The following MRC1 variants were observed in gnomAD, a reference collection of about 807,000 sequenced individuals.
MRC1 encodes macrophage mannose receptor 1.
Under a neutral mutation model 102.9 loss-of-function variants are expected in MRC1, and 62 were observed. That is an observed-to-expected ratio of 0.60 (90% CI 0.49 to 0.74). The LOEUF (loss-of-function observed/expected upper bound fraction) is 0.74, where lower values mean the gene tolerates loss of function less well. Among genes scored for constraint, MRC1 ranks in the 30% least tolerant of loss-of-function variants. MRC1 has a pLI of 0.00. For missense variants in MRC1, 1,237 were observed against 862.8 expected (o/e 1.43, Z -5.43); for synonymous variants, 457 against 298.4 (o/e 1.53, Z -5.48).
intron 8 of MRC1, among the ~76,000 whole-genome samples, chr10:17,855,352 AT>A (rs1833071068): frequency 6.6e-6 from 1 of 151,690 alleles, no homozygotes; most frequent in Non-Finnish European, 1.5e-5. Flanking sequence ...CAGGCGGATC[AT>A]GAGGTCGGGA....
intron 1 of MRC1, among the ~76,000 whole-genome samples, chr10:17,814,004 T>C (rs1838268104): frequency 6.6e-6 from 1 of 152,024 alleles, no homozygotes; most frequent in Admixed American, 6.6e-5. Context: ...CAACCTTAGG[T>C]TTTGACAGTT....
At chr10:17,853,369 G>A (rs1833013989) in intron 8 of MRC1, among the ~76,000 whole-genome samples, 2 of 152,060 alleles carry the variant, frequency 1.3e-5, no homozygotes, top group African/African-American at 4.8e-5. Context: ...AAATTCGCCT[G>A]TAATGAATAC....
At chr10:17,871,305 C>T (rs1277062170) in intron 14 of MRC1, among the ~76,000 whole-genome samples, 2 of 152,138 alleles carry the variant, frequency 1.3e-5, no homozygotes, top group Non-Finnish European at 2.9e-5. Flanking sequence ...TCTGCCTCCA[C>T]CAGCAACTTT....
At chr10:17,909,912 A>G (rs1436648990) in intron 29 of MRC1, among the ~76,000 whole-genome samples, 1 of 151,746 alleles carries the variant, frequency 6.6e-6, no homozygotes, top group Non-Finnish European at 1.5e-5. Context: ...TTATCTTCTT[A>G]TACTGTATTT....
At chr10:17,840,517 G>T (rs1467941176) in intron 4 of MRC1, among the ~76,000 whole-genome samples, 176 bp from the exon 5 acceptor site, 2 of 152,142 alleles carry the variant, frequency 1.3e-5, no homozygotes, top group South Asian at 2.1e-4. Flanking sequence ...ATCAGTGAAG[G>T]TAATAATTTT....
chr10:17,905,147 C>A (rs1833879168), intron 26 of MRC1, among the ~76,000 whole-genome samples: 1 of 152,118 alleles, frequency 6.6e-6, no homozygotes, highest in South Asian at 2.1e-4. Flanking sequence ...GAGCTCCAAC[C>A]CCATTTTAGC....
chr10:17,876,705 T>C (rs1381214911), intron 17 of MRC1, among the ~76,000 whole-genome samples: 1 of 152,234 alleles, frequency 6.6e-6, no homozygotes, highest in Non-Finnish European at 1.5e-5. Flanking sequence ...AGTTTAATTT[T>C]TAATTTAAAA....
At chr10:17,833,584 C>A (rs1838614934) in intron 3 of MRC1, 91 bp from the exon 4 acceptor site, 2 of 747,626 alleles carry the variant, frequency 2.7e-6, no homozygotes, top group Non-Finnish European at 4.9e-6. Context: ...GTGCTTCAGG[C>A]AAAAATGCTC....
intron 18 of MRC1, 138 bp from the exon 19 acceptor site, chr10:17,879,583 G>T: frequency 2.6e-6 from 2 of 774,992 alleles, no homozygotes; most frequent in Non-Finnish European, 4.8e-6. Flanking sequence ...GGCTAGACTC[G>T]AACTCCTGGC....
chr10:17,890,710 T>C (rs1445649084), intron 22 of MRC1, among the ~76,000 whole-genome samples: 41 of 152,230 alleles, frequency 2.7e-4, no homozygotes, highest in Admixed American at 2.7e-3. Flanking sequence ...AAAAAATCTT[T>C]TAGTGTGTCT....
Position 17,879,727 on chromosome 10 carries a change from G to A in MRC1, c.2625G>A (p.Met875Ile), listed in dbSNP as rs903708681. Reference protein sequence around the residue: ...LISLDKKFAWMDGSKVDYVSW... With the variant: ...LISLDKKFAWIDGSKVDYVSW... ...CCTGAATTTTCTTTTCCAGTTGGAT[G>A]GATGGAAGCAAAGTGGATTACGTGT... Residue 875 changes from methionine (M) to isoleucine (I), a missense_variant, in exon 19 of 30, where the codon ATG becomes ATA. Met to Ile is a conservative substitution (Grantham distance 10, BLOSUM62 1). Transcript: ENST00000569591. 151 of 780,798 alleles carry A rather than the reference G, an allele frequency of 1.9e-4. No homozygotes were observed. The African/African-American group carries it at 2.3e-3, about 12-fold the overall frequency. The allele number at this position is 780,798 out of a possible 1,614,324, so 48.4% of individuals were successfully genotyped here.
rs1833459966 is a variant in MRC1, at chr10:17,877,925, C to T, written c.2576C>T (p.Ala859Val). The change falls in exon 18 of 30, where the codon GCA (alanine) becomes GTA (valine). Residue 859 changes from alanine (A) to valine (V), a missense_variant. Ala to Val is a moderately conservative substitution (Grantham distance 64, BLOSUM62 0). Coordinates refer to ENST00000569591, the MANE Select transcript of MRC1 (RefSeq NM_002438.4). ...KYVNRNDAQS[A>V]YFIGLLISLD... ...GTAAACAGAAATGATGCACAGTCTG[C>T]ATATTTTATTGGTTTATTGATCAGC... 1 of 872,068 alleles carries T rather than the reference C, an allele frequency of 1.1e-6. No individual in the cohort carries two copies. The highest frequency in any genetic ancestry group is 2.0e-6 in the Non-Finnish European group (1 of 501,186). The allele number at this position is 872,068 out of a possible 1,614,324, so 54.0% of individuals were successfully genotyped here. A position where few individuals can be genotyped will look rare whatever the true frequency, so the allele number is the denominator to read the frequency against.
chr10:17,903,187 C>T (rs1007677810), intron 26 of MRC1, among the ~76,000 whole-genome samples: 1 of 151,928 alleles, frequency 6.6e-6, no homozygotes, highest in East Asian at 1.9e-4. Context: ...TTTCACTCTG[C>T]CAGTCTATGT....
intron 5 of MRC1, among the ~76,000 whole-genome samples, chr10:17,841,286 C>T (rs1311380458): frequency 2.0e-5 from 3 of 152,120 alleles, no homozygotes; most frequent in African/African-American, 7.2e-5. Context: ...ATGACTGTAC[C>T]TTGAGTCATG....
At chr10:17,867,462 A>G (rs1554841607) in intron 12 of MRC1, among the ~76,000 whole-genome samples, 17 of 147,938 alleles carry the variant, frequency 1.1e-4, no homozygotes. Context: ...GTGCTCTGTC[A>G]TCTAGGCTGG....
In MRC1 at chr10:17,902,713, G is replaced by A. The variant is rs974178222; in HGVS notation, c.3799+591G>A. ...AGAGTTCTCCATCCAACAGTGGTAC[G>A]CACAGTTTATAACCTCATTTTCTCC... On this transcript the variant is annotated intron_variant, in intron 26 of 29. Coordinates refer to ENST00000569591, the MANE Select transcript of MRC1 (RefSeq NM_002438.4). 9.2e-5 allele frequency among the ~76,000 whole-genome samples: 14 copies of A among 152,148 alleles called. No homozygotes were observed. In the East Asian group the frequency reaches 2.1e-3, roughly 23 times the overall value.
chr10:17,837,495 C>T lies in MRC1; in HGVS notation c.803-3198C>T, dbSNP rs1223551258. The stretch of plus-strand genomic sequence containing the variant: ...GGTGTGAGTGTGTAATTGCAATCCA[C>T]TCTATTTTGGAAAATATGCCATTAA... On this transcript the variant is annotated intron_variant, in intron 4 of 29. Transcript: ENST00000569591. 2.0e-5 allele frequency among the ~76,000 whole-genome samples: 3 copies of T among 152,152 alleles called. No individual in the cohort carries two copies. The East Asian group carries it at 5.8e-4, about 29-fold the overall frequency.
chr10:17,853,572 ATGTGTGTG>A (rs782100594), intron 8 of MRC1, among the ~76,000 whole-genome samples: 8 of 146,730 alleles, frequency 5.5e-5, no homozygotes, highest in African/African-American at 2.0e-4. Context: ...ATATATATGT[ATGTGTGTG>A]TGTGTGTGTG....
intron 1 of MRC1, among the ~76,000 whole-genome samples, chr10:17,814,998 C>T (rs1838288966): frequency 6.6e-6 from 1 of 152,074 alleles, no homozygotes; most frequent in South Asian, 2.1e-4. Flanking sequence ...CAACAGTTCT[C>T]TGCTCTTTCA....
Sources: gnomAD v4.1 joint callset for allele counts (sites outside exome capture counted in the v4.1 genomes callset) on GRCh38, gnomAD v4.1.1 for gene constraint, MANE v1.5 for transcripts, NCBI Gene and HGNC (gene_info 2026-07-23, HGNC 2026-07-21) for gene names.